Variants in SULT1B1 observed in about 807,000 individuals in gnomAD.
The protein encoded by SULT1B1 is sulfotransferase family 1B member 1, also known as sulfotransferase 1B1.
Under a neutral mutation model 34.6 loss-of-function variants are expected in SULT1B1, and 28 were observed. That is an observed-to-expected ratio of 0.81 (90% confidence interval 0.60 to 1.11). The LOEUF is 1.11. SULT1B1 is among the 50% of genes least tolerant of loss of function. The pLI is 0.00. For missense variants in SULT1B1, 374 were observed against 352.2 expected, an observed-to-expected ratio of 1.06 and a Z score of -0.50; for synonymous variants, 147 against 110.2, an observed-to-expected ratio of 1.33 and a Z score of -2.09.
rs1301716909 is a variant in SULT1B1 at position 69,724,073 on chromosome 4, G to C, written c.*3015C>G. 6.6e-6 allele frequency: 1 copy of C among 152,192 alleles called. No homozygotes were observed. The highest frequency in any genetic ancestry group is 1.5e-5 in the Non-Finnish European group (1 of 68,044). The allele number at this position is 152,192 out of a possible 1,614,324, so 9.4% of individuals were successfully genotyped here. ...TAAAGGGTATTCAATTAGGAGAAGAGGAAGTCAAATTGTCCCTGTTTGCAG... is the reference window on the plus strand; with the variant it reads ...TAAAGGGTATTCAATTAGGAGAAGACGAAGTCAAATTGTCCCTGTTTGCAG... On this transcript the variant is annotated 3_prime_UTR_variant, in exon 8 of 8. Coordinates refer to ENST00000310613, the MANE Select transcript of SULT1B1 (RefSeq NM_014465.4).
chr4:69,733,760 G>A (rs1314550335), intron 5 of SULT1B1, among the ~76,000 whole-genome samples: 4 of 152,022 alleles, frequency 2.6e-5, no homozygotes, highest in Admixed American at 2.6e-4. Context: ...GTCTCATAAA[G>A]AAGAAAACTA....
rs980216308 is a variant in SULT1B1, at chr4:69,723,441, G to C, written c.*3647C>G. 6.6e-6 allele frequency: 1 copy of C among 152,210 alleles called. No individual in the cohort carries two copies. The highest frequency in any genetic ancestry group is 1.5e-5 in the Non-Finnish European group (1 of 68,084). The allele number at this position is 152,210 out of a possible 1,614,324, so 9.4% of individuals were successfully genotyped here. ...ATAGATTCACAGCTGAATTCTACCA[G>C]AGGTCCAAGGAGGAGCTGGTACCAT... On this transcript the variant is annotated 3_prime_UTR_variant, in exon 8 of 8. Coordinates refer to ENST00000310613, the MANE Select transcript of SULT1B1 (RefSeq NM_014465.4).
rs1717847972 is a variant in SULT1B1 at position 69,726,775 on chromosome 4, T to C, written c.*313A>G. 5.4e-6 allele frequency: 1 copy of C among 184,614 alleles called. No homozygotes were observed. The highest frequency in any genetic ancestry group is 2.3e-5 in the African/African-American group (1 of 42,730). 11.4% of individuals were successfully genotyped at this position (184,614 alleles called of 1,614,324 possible). A position where few individuals can be genotyped will look rare whatever the true frequency, so the allele number is the denominator to read the frequency against. ...GAACTTAATTCTAAATCATAATATA[T>C]GGGAGATTAAGTAAAATAAATCCCT... On this transcript the variant is annotated 3_prime_UTR_variant, in exon 8 of 8. Coordinates refer to ENST00000310613, the MANE Select transcript of SULT1B1 (RefSeq NM_014465.4).
intron 4 of SULT1B1, among the ~76,000 whole-genome samples, chr4:69,741,630 AT>A (rs933324184): frequency 6.6e-6 from 1 of 151,926 alleles, no homozygotes; most frequent in East Asian, 1.9e-4. Flanking sequence ...CTAGTATTTT[AT>A]TTTTTTGTGA....
Position 69,757,893 on chromosome 4 carries a change from G to A in SULT1B1, c.-45+2566C>T, listed in dbSNP as rs114521868. ...AAAACCTGAAATAGAGGATATTAAT[G>A]GAGAAGCAGTCTCAAAATAGATTAG... On this transcript the variant is annotated intron_variant, in intron 1 of 7. Coordinates refer to ENST00000310613, the MANE Select transcript of SULT1B1 (RefSeq NM_014465.4). 1.6e-3 allele frequency among the ~76,000 whole-genome samples: 241 copies of A among 152,240 alleles called. 2 individuals are homozygous for A. Among genetic ancestry groups the A allele is most frequent in the African/African-American group, 5.7e-3 (237 of 41,530 alleles).
intron 4 of SULT1B1, among the ~76,000 whole-genome samples, chr4:69,748,063 T>A (rs1560528645): frequency 6.6e-6 from 1 of 152,064 alleles, no homozygotes; most frequent in Admixed American, 6.5e-5. Flanking sequence ...GTATATAATA[T>A]ACACACATGA....
rs1184462302 is a variant in SULT1B1 at position 69,754,793 on chromosome 4, T to G, written c.154A>C (p.Thr52Pro). The G allele has an allele frequency of 6.2e-7, 1 of 1,610,022 alleles. No homozygotes were observed. Among genetic ancestry groups the G allele is most frequent in the Non-Finnish European group, 8.5e-7 (1 of 1,178,460 alleles). ...ATGTCTATAATTTCACTAACCCAAG[T>G]AGTACCTGTGACAAAAGGCAACATT... ...VIATYPKSGT[T>P]WVSEIIDMIL... Residue 52 changes from threonine to proline, a missense_variant, in exon 3 of 8, where the codon ACT becomes CCT. By Grantham distance (38) the Thr-to-Pro change is conservative (BLOSUM62 -1). Coordinates refer to ENST00000310613, the MANE Select transcript of SULT1B1 (RefSeq NM_014465.4).
chr4:69,743,640 G>A (rs921617657), intron 4 of SULT1B1, among the ~76,000 whole-genome samples: 5 of 152,164 alleles, frequency 3.3e-5, no homozygotes, highest in African/African-American at 9.7e-5. Context: ...GGCCAGCTTC[G>A]ACCTGCCCTC....
At chr4:69,747,572 TA>T (rs987094377) in intron 4 of SULT1B1, among the ~76,000 whole-genome samples, 1 of 152,208 alleles carries the variant, frequency 6.6e-6, no homozygotes, top group African/African-American at 2.4e-5. Flanking sequence ...TAAAGCCACC[TA>T]AAGAAATATG....
intron 1 of SULT1B1, chr4:69,758,252 T>C (rs1218401801): frequency 1.0e-5 from 10 of 954,628 alleles, no homozygotes; most frequent in African/African-American, 1.8e-5. Flanking sequence ...GAAGTTGGTA[T>C]TGAATAAATT....
chr4:69,736,321 G>A (rs1484939133), intron 4 of SULT1B1, among the ~76,000 whole-genome samples: 1 of 152,192 alleles, frequency 6.6e-6, no homozygotes, highest in Non-Finnish European at 1.5e-5. Context: ...GATGGCCTCA[G>A]AGCCAGTGGA....
At chr4:69,734,442 A>T (rs956910137) in intron 4 of SULT1B1, among the ~76,000 whole-genome samples, 178 bp from the exon 5 acceptor site, 1 of 152,238 alleles carries the variant, frequency 6.6e-6, no homozygotes, top group Non-Finnish European at 1.5e-5. Context: ...TTTTCAATAC[A>T]GCAATGCATT....
At chr4:69,758,575 C>A in intron 1 of SULT1B1, 4 of 640,648 alleles carry the variant, frequency 6.2e-6, no homozygotes, top group Non-Finnish European at 7.8e-6. Flanking sequence ...CTCTATTCAT[C>A]GGCTCCAGAA....
chr4:69,733,286 A>G, intron 6 of SULT1B1, 127 bp downstream of exon 6: 1 of 564,720 alleles, frequency 1.8e-6, no homozygotes, highest in Non-Finnish European at 3.0e-6. Context: ...TTGGGTAAAA[A>G]CACATGGTGG....
Position 69,749,774 on chromosome 4 carries a change from T to A in SULT1B1, c.322A>T (p.Thr108Ser). ...EKNPSPRIVK[T>S]HLPTDLLPKS... Reference sequence around the variant, plus strand: ...GGAAGAAGATCAGTCGGTAGATGTGTTTTCACAATCCGGGGTGATGGATTC... The same window carrying A: ...GGAAGAAGATCAGTCGGTAGATGTGATTTCACAATCCGGGGTGATGGATTC... Residue 108 changes from threonine (T) to serine (S), a missense_variant, in exon 4 of 8, where the codon ACA becomes TCA. Physicochemically the swap from Thr to Ser is moderately conservative, Grantham distance 58 (BLOSUM62 1). Transcript: ENST00000310613. 1.2e-6 allele frequency: 2 copies of A among 1,613,682 alleles called. No homozygotes were observed. Among genetic ancestry groups the A allele is most frequent in the Non-Finnish European group, 1.7e-6 (2 of 1,179,684 alleles).
chr4:69,743,818 G>A (rs951252687), intron 4 of SULT1B1, among the ~76,000 whole-genome samples: 9 of 152,190 alleles, frequency 5.9e-5, no homozygotes, highest in South Asian at 4.1e-4. Flanking sequence ...TTCCGCGAGC[G>A]GGTAGTGGCC....
intron 7 of SULT1B1, among the ~76,000 whole-genome samples, chr4:69,728,756 A>T (rs1274115255): frequency 6.6e-6 from 1 of 152,048 alleles, no homozygotes; most frequent in Non-Finnish European, 1.5e-5. Context: ...CTAAATGCTT[A>T]CATATAATTT....
chr4:69,760,135 G>A (rs1719337714), intron 1 of SULT1B1: 2 of 530,238 alleles, frequency 3.8e-6, no homozygotes, highest in African/African-American at 2.1e-5. Flanking sequence ...ATGCATGTGA[G>A]TAGGACTGGA....
intron 4 of SULT1B1, among the ~76,000 whole-genome samples, chr4:69,746,160 G>A (rs955215206): frequency 2.0e-5 from 3 of 152,078 alleles, no homozygotes; most frequent in Non-Finnish European, 4.4e-5. Flanking sequence ...ATTGACCTCG[G>A]CGATCCTCTT....
Sources: gnomAD v4.1 joint callset for allele counts (sites outside exome capture counted in the v4.1 genomes callset) on GRCh38, gnomAD v4.1.1 for gene constraint, MANE v1.5 for transcripts, NCBI Gene and HGNC (gene_info 2026-07-23, HGNC 2026-07-21) for gene names.